ZBTB14: variants seen among roughly 807,000 people sequenced by gnomAD.
ZBTB14 encodes zinc finger and BTB domain containing 14.
In ZBTB14, 8 loss-of-function variants were observed where a neutral mutation model predicts 29.5. The ratio of observed to expected loss-of-function variants is 0.27; its 90% CI spans 0.16 to 0.49. ZBTB14 has a LOEUF of 0.49. Ranked by LOEUF, ZBTB14 falls within the 20% of genes least tolerant of loss-of-function variation. The pLI is 0.99. For synonymous variants in ZBTB14, 226 were observed against 207.2 expected (o/e 1.09, Z -0.78); for missense variants, 333 against 563.8 (o/e 0.59, Z 4.15).
chr18:5,291,026 G>A lies in ZBTB14; in HGVS notation c.1182C>T (p.Cys394=), dbSNP rs756686935. ...RGEKPFVCGS[C]TKAFAKASDL... ...CAGATGCCTTGGCAAATGCCTTGGTGCAGGAGCCACACACAAAAGGCTTTT... is the reference window on the plus strand; with the variant it reads ...CAGATGCCTTGGCAAATGCCTTGGTACAGGAGCCACACACAAAAGGCTTTT... The change falls in exon 4 of 4, where the codon TGC becomes TGT. Residue 394 remains cysteine, a synonymous_variant. Transcript: ENST00000651870. The surrounding 1 kb of genome is among the most constrained non-coding windows in gnomAD (Gnocchi z 5.8). 1.9e-6 allele frequency: 3 copies of A among 1,614,254 alleles called. No homozygotes were observed. The highest frequency in any genetic ancestry group is 2.5e-6 in the Non-Finnish European group (3 of 1,180,046).
At chr18:5,296,637 G>A (rs1048845929), upstream of ZBTB14, among the ~76,000 whole-genome samples, 5 of 152,074 alleles carry the variant, frequency 3.3e-5, no homozygotes, top group Non-Finnish European at 7.4e-5. Flanking sequence ...AGTTTGTGGG[G>A]GAGTGGACGG....
Position 5,290,835 on chromosome 18 carries a change from A to G in ZBTB14, c.*23T>C. 2 of 1,596,164 alleles carry G rather than the reference A, an allele frequency of 1.3e-6. No homozygotes were observed. Among genetic ancestry groups the G allele is most frequent in the Non-Finnish European group, 1.7e-6 (2 of 1,170,638 alleles). On this transcript the variant is annotated 3_prime_UTR_variant, in exon 4 of 4. Coordinates refer to ENST00000651870, the MANE Select transcript of ZBTB14 (RefSeq NM_001243702.2). ...TCATCTCAGTCTCCACTTTCCAGGCAAAGTGTCCCTGTCCCACCGCCTCTA... is the reference window on the plus strand; with the variant it reads ...TCATCTCAGTCTCCACTTTCCAGGCGAAGTGTCCCTGTCCCACCGCCTCTA...
At position 5,290,834 on chromosome 18, in the gene ZBTB14, CAA is replaced by C. The variant is rs770481921; in HGVS notation, c.*22_*23del. 4.9e-4 allele frequency: 785 copies of C among 1,596,284 alleles called. No homozygotes were observed. The highest frequency in any genetic ancestry group is 6.6e-4 in the Non-Finnish European group (768 of 1,171,526). Reference sequence around the variant, plus strand: ...GTCATCTCAGTCTCCACTTTCCAGGCAAAGTGTCCCTGTCCCACCGCCTCTAG... The same window carrying C: ...GTCATCTCAGTCTCCACTTTCCAGGCAGTGTCCCTGTCCCACCGCCTCTAG... On this transcript the variant is annotated 3_prime_UTR_variant, in exon 4 of 4. Transcript: ENST00000651870.
upstream of ZBTB14, among the ~76,000 whole-genome samples, chr18:5,296,404 CGCCGGCGCAG>C (rs1284685518): frequency 1.3e-5 from 2 of 148,826 alleles, no homozygotes; most frequent in African/African-American, 2.5e-5. Context: ...CCGCGCCCGG[CGCCGGCGCAG>C]CGCCGGGGAC....
In ZBTB14 at chr18:5,293,114, T is replaced by C. The variant is rs917015291; in HGVS notation, c.3+130A>G. The C allele has an allele frequency of 1.8e-5, 18 of 1,019,350 alleles. No homozygotes were observed. The African/African-American group carries it at 2.9e-4, about 16-fold the overall frequency. 63.1% of individuals were successfully genotyped at this position (1,019,350 alleles called of 1,614,324 possible). ...TGTTTCCTTTTTAAAAACATTGTTT[T>C]ACTTTTATTCGGCTAATATTTTCCC... On this transcript the variant is annotated intron_variant, in intron 3 of 3. Coordinates refer to ENST00000651870, the MANE Select transcript of ZBTB14 (RefSeq NM_001243702.2).
At chr18:5,295,322 C>A (rs2071927517) in intron 1 of ZBTB14, among the ~76,000 whole-genome samples, 1 of 144,560 alleles carries the variant, frequency 6.9e-6, no homozygotes. Flanking sequence ...CTAACCCAAG[C>A]TCCGCGGGCG....
chr18:5,296,424 C>G (rs2071969279), upstream of ZBTB14, among the ~76,000 whole-genome samples: 1 of 149,114 alleles, frequency 6.7e-6, no homozygotes, highest in Admixed American at 6.6e-5. Flanking sequence ...GCGCCGGGGA[C>G]GCGGGAGCCA....
intron 1 of ZBTB14, among the ~76,000 whole-genome samples, chr18:5,294,575 C>T (rs1166168167): frequency 2.0e-5 from 3 of 152,202 alleles, no homozygotes; most frequent in Non-Finnish European, 2.9e-5. Flanking sequence ...GCCTCCTCCC[C>T]GCCCCGCCCC....
intron 1 of ZBTB14, among the ~76,000 whole-genome samples, chr18:5,295,188 G>GCGCCA (rs1567909669): frequency 7.0e-6 from 1 of 143,622 alleles, no homozygotes; most frequent in African/African-American, 2.5e-5. Flanking sequence ...CCGCAGCCCC[G>GCGCCA]CGCCGCGCCG....
At chr18:5,294,769 G>T (rs1157771765) in intron 1 of ZBTB14, 1 of 152,190 alleles carries the variant, frequency 6.6e-6, no homozygotes, top group Non-Finnish European at 1.5e-5. Flanking sequence ...ACAGTGCAGG[G>T]AGCCGGGCTT....
At position 5,290,960 on chromosome 18, in the gene ZBTB14, C is replaced by T. The variant is rs1375917657; in HGVS notation, c.1248G>A (p.Lys416=). The T allele has an allele frequency of 2.5e-6, 4 of 1,614,274 alleles. No individual in the cohort carries two copies. In the Admixed American group the frequency reaches 5.0e-5, roughly 20 times the overall value. The change falls in exon 4 of 4, where the codon AAG becomes AAA. Residue 416 remains lysine, a synonymous_variant. Coordinates refer to ENST00000651870, the MANE Select transcript of ZBTB14 (RefSeq NM_001243702.2). ...RHENNMHSER[K]QVTPSAIQSE... ...TCTGGATGGCACTGGGGGTAACCTG[C>T]TTCCTTTCACTGTGCATATTGTTCT... is the stretch of plus-strand genomic sequence containing the variant.
chr18:5,294,595 T>G (rs1467099813), intron 1 of ZBTB14, among the ~76,000 whole-genome samples: 5 of 151,694 alleles, frequency 3.3e-5, no homozygotes, highest in African/African-American at 1.2e-4. Context: ...CCCTTGCCAT[T>G]GAGATGTCCA....
rs2071768990 is a variant in ZBTB14 at position 5,289,693 on chromosome 18, A to G, written c.*1165T>C. On this transcript the variant is annotated 3_prime_UTR_variant, in exon 4 of 4. Coordinates refer to ENST00000651870, the MANE Select transcript of ZBTB14 (RefSeq NM_001243702.2). ...TAAACATTTGGTCTGACAATCTTTAATATTTGTTAAAAACAGTCTGATGTT... is the reference window on the plus strand; with the variant it reads ...TAAACATTTGGTCTGACAATCTTTAGTATTTGTTAAAAACAGTCTGATGTT... 6.6e-6 allele frequency: 1 copy of G among 152,538 alleles called. No homozygotes were observed. 9.4% of individuals were successfully genotyped at this position (152,538 alleles called of 1,614,324 possible).
intron 2 of ZBTB14, chr18:5,293,751 A>T (rs148997705): frequency 0.018 from 1,750 of 94,946 alleles, 18 homozygotes; most frequent in Middle Eastern, 0.06. Context: ...AACCTATAGA[A>T]GTATATACCT....
At position 5,291,219 on chromosome 18, in the gene ZBTB14, T is replaced by C; in HGVS notation, c.989A>G (p.Tyr330Cys). Residue 330 changes from tyrosine (Y) to cysteine (C), a missense_variant, in exon 4 of 4, where the codon TAT (tyrosine) becomes TGT (cysteine). This residue lies in a region of ZBTB14 where 140 missense variants were observed against 274.6 expected (regional missense o/e 0.51). Coordinates refer to ENST00000651870, the MANE Select transcript of ZBTB14 (RefSeq NM_001243702.2). This position sits in a 1 kb window ranked among gnomAD's most constrained non-coding sequence, Gnocchi z 5.8. ...ACACACCTCACAGCTATAGGGCTTATATCCTGTGTGGATTTTTAGGTGTTC... is the reference window on the plus strand; with the variant it reads ...ACACACCTCACAGCTATAGGGCTTACATCCTGTGTGGATTTTTAGGTGTTC... ...LKEHLKIHTGYKPYSCEVCGK... is the reference protein window; with the variant it reads ...LKEHLKIHTGCKPYSCEVCGK... 6.2e-7 allele frequency: 1 copy of C among 1,614,278 alleles called. No homozygotes were observed. Among genetic ancestry groups the C allele is most frequent in the Non-Finnish European group, 8.5e-7 (1 of 1,180,046 alleles).
At chr18:5,292,925 T>G (rs2071849689) in intron 3 of ZBTB14, among the ~76,000 whole-genome samples, 1 of 152,216 alleles carries the variant, frequency 6.6e-6, no homozygotes, top group Admixed American at 6.5e-5. Flanking sequence ...AGTGGCTTTG[T>G]TCTCTCTAGA....
chr18:5,290,629 G>T lies in ZBTB14; in HGVS notation c.*229C>A. 2.0e-6 allele frequency: 1 copy of T among 491,256 alleles called. No individual in the cohort carries two copies. The highest frequency in any genetic ancestry group is 3.4e-6 in the Non-Finnish European group (1 of 292,484). 30.4% of individuals were successfully genotyped at this position (491,256 alleles called of 1,614,324 possible). A position where few individuals can be genotyped will look rare whatever the true frequency, so the allele number is the denominator to read the frequency against. ...AAAAAGGGAGAGAGGTGCTTACTGGGCAACATTAATACTAGACACCAGACA... is the reference window on the plus strand; with the variant it reads ...AAAAAGGGAGAGAGGTGCTTACTGGTCAACATTAATACTAGACACCAGACA... On this transcript the variant is annotated 3_prime_UTR_variant, in exon 4 of 4. Coordinates refer to ENST00000651870, the MANE Select transcript of ZBTB14 (RefSeq NM_001243702.2).
At chr18:5,292,953 C>T (rs181323081) in intron 3 of ZBTB14, among the ~76,000 whole-genome samples, 1 of 152,258 alleles carries the variant, frequency 6.6e-6, no homozygotes, top group East Asian at 1.9e-4. Flanking sequence ...CTACCTGCAT[C>T]CAGATAAAAG....
chr18:5,293,798 G>A (rs923463795), intron 2 of ZBTB14, among the ~76,000 whole-genome samples, 174 bp downstream of exon 2: 36 of 152,284 alleles, frequency 2.4e-4, no homozygotes, highest in Non-Finnish European at 4.1e-4. Flanking sequence ...AACCCAACAG[G>A]TAACATGGGA....
Sources: gnomAD v4.1 joint callset for allele counts (sites outside exome capture counted in the v4.1 genomes callset) on GRCh38, gnomAD v4.1.1 for gene constraint, gnomAD v4.1.1 regional missense constraint, Gnocchi (gnomAD v3.1) non-coding constraint, MANE v1.5 for transcripts, NCBI Gene and HGNC (gene_info 2026-07-23, HGNC 2026-07-21) for gene names.